Variants in USP35 observed in about 807,000 individuals in gnomAD.
USP35 encodes ubiquitin specific peptidase 35.
In USP35, 69 loss-of-function variants were observed where a neutral mutation model predicts 83.8. The observed-to-expected ratio is 0.82, with a 90% CI of 0.68 to 1.01. The LOEUF is 1.01. Among genes scored for constraint, USP35 ranks in the 50% least tolerant of loss-of-function variants. The pLI, the probability that USP35 is intolerant of heterozygous loss-of-function variation, is 0.00. For missense variants in USP35, 1,503 were observed against 1,362.5 expected, an observed-to-expected ratio of 1.10 and a Z score of -1.62; for synonymous variants, 714 against 589.5, an observed-to-expected ratio of 1.21 and a Z score of -3.06.
chr11:78,211,853 G>A (rs907963064), intron 10 of USP35, among the ~76,000 whole-genome samples: 1 of 152,212 alleles, frequency 6.6e-6, no homozygotes, highest in African/African-American at 2.4e-5. Context: ...ACTTAGGTCA[G>A]ATGGGTAGTT....
At chr11:78,223,480 C>T in the USP35 span, 118 of 1,602,416 alleles carry the variant, frequency 7.4e-5, no homozygotes, top group Middle Eastern at 1.7e-4. Flanking sequence ...GCTGGGGCCT[C>T]GGTGCACAGG....
the USP35 span, chr11:78,224,993 G>C: frequency 1.5e-4 from 104 of 673,828 alleles, 1 homozygote; most frequent in Middle Eastern, 8.1e-4. Context: ...AACTTGGGCA[G>C]GGTCCTAAGA....
Position 78,201,349 on chromosome 11 carries a change from G to T in USP35, c.1197+541G>T, listed in dbSNP as rs150057491. Among the ~76,000 whole-genome samples the T allele has an allele frequency of 3.1e-3, 474 of 152,302 alleles. 2 individuals carry two copies. Among genetic ancestry groups the T allele is most frequent in the South Asian group, 0.019 (94 of 4,828 alleles). ...CAGTCGTTCACATGACTTTACTGAC[G>T]TCCTGCTCTGCACCAAGCCCAGGCT... On this transcript the variant is annotated intron_variant, in intron 6 of 10. Coordinates refer to ENST00000529308, the MANE Select transcript of USP35 (RefSeq NM_020798.4).
intron 2 of USP35, 129 bp downstream of exon 2, chr11:78,197,047 C>G (rs1863174451): frequency 7.4e-7 from 1 of 1,359,110 alleles, no homozygotes; most frequent in Non-Finnish European, 9.4e-7. Context: ...GCGGCGAATG[C>G]TCAGGTGGAG....
chr11:78,221,856 G>T, the USP35 span: 1 of 982,142 alleles, frequency 1.0e-6, no homozygotes, highest in Non-Finnish European at 1.6e-6. Context: ...GCTGGGCCCT[G>T]ACCCTCACAC....
chr11:78,233,676 GGCTC>G, the USP35 span, among the ~76,000 whole-genome samples: 1 of 151,588 alleles, frequency 6.6e-6, no homozygotes, highest in Admixed American at 6.6e-5. Context: ...GTGCCATCTT[GGCTC>G]ACTGCAACCT....
intron 10 of USP35, among the ~76,000 whole-genome samples, chr11:78,211,354 T>G (rs1232839461): frequency 6.6e-6 from 1 of 152,200 alleles, no homozygotes; most frequent in Non-Finnish European, 1.5e-5. Context: ...AGTCTATCAT[T>G]GATGGGCATT....
Position 78,196,837 on chromosome 11 carries a change from C to A in USP35, c.592C>A (p.Leu198Ile). 1 of 1,529,320 alleles carries A rather than the reference C, an allele frequency of 6.5e-7. No individual in the cohort carries two copies. Among genetic ancestry groups the A allele is most frequent in the South Asian group, 1.2e-5 (1 of 83,310 alleles). The allele number at this position is 1,529,320 out of a possible 1,614,324, so 94.7% of individuals were successfully genotyped here. ...FLEQAQQVSGLLAQLWRAQPA... is the reference protein window; with the variant it reads ...FLEQAQQVSGILAQLWRAQPA... ...AGAGCAGGCCCAGCAGGTGAGCGGG[C>A]TCCTGGCGCAGCTGTGGCGCGCACA... The change falls in exon 2 of 11, where the codon CTC becomes ATC. Residue 198 changes from leucine (L) to isoleucine (I), a missense_variant. By Grantham distance (5) the Leu-to-Ile change is conservative. Coordinates refer to ENST00000529308, the MANE Select transcript of USP35 (RefSeq NM_020798.4). The surrounding 1 kb of genome is among the most constrained non-coding windows in gnomAD (Gnocchi z 4.8).
intron 1 of USP35, among the ~76,000 whole-genome samples, chr11:78,190,526 C>T (rs1590891429): frequency 6.6e-6 from 1 of 152,330 alleles, no homozygotes; most frequent in South Asian, 2.1e-4. Flanking sequence ...TTGCTTGACG[C>T]ACCTTCACGG....
At chr11:78,229,506 T>C in the USP35 span, among the ~76,000 whole-genome samples, 3 of 152,166 alleles carry the variant, frequency 2.0e-5, no homozygotes, top group Non-Finnish European at 4.4e-5. Context: ...TCTGGAACTC[T>C]TCTCCTCCTG....
rs555919199 is a variant in USP35, at chr11:78,194,445, C to T, written c.-10-1791C>T. ...GCTTGTCCACACTCTAGCTCCAGTT[C>T]TCAGGCATAAGAGTAGTTTTTACTG... On this transcript the variant is annotated intron_variant, in intron 1 of 10. Transcript: ENST00000529308. Among the ~76,000 whole-genome samples, 26 of 152,318 alleles carry T rather than the reference C, an allele frequency of 1.7e-4. No individual in the cohort carries two copies. In the South Asian group the frequency reaches 5.4e-3, roughly 32 times the overall value.
the USP35 span, among the ~76,000 whole-genome samples, chr11:78,222,803 G>T: frequency 6.6e-6 from 1 of 151,912 alleles, no homozygotes; most frequent in African/African-American, 2.4e-5. Context: ...GGCTGGTCTC[G>T]AACTTCTGAC....
rs372599695 is a variant in USP35 at position 78,209,791 on chromosome 11, C to G, written c.1936C>G (p.His646Asp). 4 of 1,613,876 alleles carry G rather than the reference C, an allele frequency of 2.5e-6. No individual in the cohort carries two copies. Among genetic ancestry groups the G allele is most frequent in the Non-Finnish European group, 3.4e-6 (4 of 1,179,960 alleles). The change falls in exon 10 of 11, where the codon CAC becomes GAC. Residue 646 changes from histidine (H) to aspartate (D), a missense_variant. Coordinates refer to ENST00000529308, the MANE Select transcript of USP35 (RefSeq NM_020798.4). ...GGTGGGTCCTCGGAGGCAAAGGAAACACTGCATCACAGAGGACACCCCCCC... is the reference window on the plus strand; with the variant it reads ...GGTGGGTCCTCGGAGGCAAAGGAAAGACTGCATCACAGAGGACACCCCCCC... Reference protein sequence around the residue: ...GRVGPRRQRKHCITEDTPPTS... With the variant: ...GRVGPRRQRKDCITEDTPPTS...
intron 3 of USP35, among the ~76,000 whole-genome samples, chr11:78,198,302 G>GT (rs1863218430): frequency 1.3e-5 from 2 of 152,378 alleles, no homozygotes; most frequent in Admixed American, 1.3e-4. Context: ...GGTACCAGCA[G>GT]TGTGACCCTG....
At chr11:78,207,756 G>A (rs1416928366) in intron 8 of USP35, 133 bp downstream of exon 8, 39 of 932,586 alleles carry the variant, frequency 4.2e-5, no homozygotes, top group Non-Finnish European at 5.8e-5. Flanking sequence ...GCCCCTGGCC[G>A]GGCTGGCATA....
intron 9 of USP35, 137 bp from the exon 10 acceptor site, chr11:78,209,309 TGG>T: frequency 1.1e-6 from 1 of 887,874 alleles, no homozygotes; most frequent in East Asian, 2.7e-5. Context: ...CGTGGATGTG[TGG>T]GTGTTTGGTG....
intron 7 of USP35, among the ~76,000 whole-genome samples, 158 bp downstream of exon 7, chr11:78,206,193 A>G (rs2137048129): frequency 1.3e-5 from 2 of 152,352 alleles, no homozygotes; most frequent in Admixed American, 1.3e-4. Flanking sequence ...AGAGAGCCTC[A>G]GGCCATTGCC....
rs774451938 is a variant in USP35 at position 78,196,917 on chromosome 11, A to G, written c.672A>G (p.Ala224=). The change falls in exon 2 of 11, where the codon GCA becomes GCG. Residue 224 remains alanine (A), a splice_region_variant and synonymous_variant. Transcript: ENST00000529308. This position sits in a 1 kb window ranked among gnomAD's most constrained non-coding sequence, Gnocchi z 4.8. The stretch of plus-strand genomic sequence containing the variant: ...AGCTGTTCGCAGTCATCTCCTGCGC[A>G]GGTGCGTGTGCGGCCGGGGCAGGAG... The part of the protein sequence containing the change: ...LKELFAVISC[A]EEEPPSSALA... The G allele has an allele frequency of 6.9e-7, 1 of 1,452,272 alleles. No individual in the cohort carries two copies. Among genetic ancestry groups the G allele is most frequent in the Admixed American group, 2.5e-5 (1 of 40,332 alleles). 90.0% of individuals were successfully genotyped at this position (1,452,272 alleles called of 1,614,324 possible).
the USP35 span, among the ~76,000 whole-genome samples, chr11:78,233,360 T>G: frequency 6.6e-6 from 1 of 152,206 alleles, no homozygotes; most frequent in South Asian, 2.1e-4. Context: ...TTTTAGCCCT[T>G]CCAGCAGAGG....
Sources: allele counts gnomAD v4.1 joint callset (sites outside exome capture counted in the v4.1 genomes callset), GRCh38; gene constraint gnomAD v4.1.1; non-coding constraint Gnocchi (gnomAD v3.1); transcripts MANE v1.5; gene names NCBI Gene and HGNC (gene_info 2026-07-23, HGNC 2026-07-21).